PANK1: variants seen among roughly 807,000 people sequenced by gnomAD.
The protein encoded by PANK1 is pantothenic acid kinase 1.
Under a neutral mutation model 40.1 loss-of-function variants are expected in PANK1, and 18 were observed. The ratio of observed to expected loss-of-function variants is 0.45; its 90% CI spans 0.31 to 0.67. PANK1 has a LOEUF of 0.67. Among genes scored for constraint, PANK1 ranks in the 30% least tolerant of loss-of-function variants. PANK1 has a pLI of 0.06. For missense variants in PANK1, 457 were observed against 599.6 expected (o/e 0.76, Z 2.48); for synonymous variants, 242 against 237.7 (o/e 1.02, Z -0.17).
chr10:89,617,355 A>G (rs978385358), intron 1 of PANK1, among the ~76,000 whole-genome samples: 5 of 152,262 alleles, frequency 3.3e-5, no homozygotes, highest in Non-Finnish European at 7.3e-5. Context: ...CTTGGAAGGC[A>G]GATAATACAC....
intron 1 of PANK1, among the ~76,000 whole-genome samples, chr10:89,639,610 A>G (rs1447155408): frequency 6.6e-6 from 1 of 152,214 alleles, no homozygotes; most frequent in East Asian, 1.9e-4. Context: ...TAAGTAGGAA[A>G]TGCGGACCTG....
chr10:89,616,396 T>C (rs1845315180), intron 1 of PANK1, among the ~76,000 whole-genome samples: 1 of 152,228 alleles, frequency 6.6e-6, no homozygotes, highest in Non-Finnish European at 1.5e-5. Flanking sequence ...TTCATCCATA[T>C]GTAAATAAAA....
rs1192374008 is a variant in PANK1 at position 89,595,816 on chromosome 10, TA to T, written c.900-1828del. 6.7e-3 allele frequency among the ~76,000 whole-genome samples: 272 copies of T among 40,592 alleles called. 1 individual carries two copies. Among genetic ancestry groups the T allele is most frequent in the South Asian group, 0.011 (7 of 658 alleles). 26.6% of individuals were successfully genotyped at this position (40,592 alleles called of 152,430 possible). ...TGGGTGACAGAGCCGGACTCCATCT[TA>T]AAAAAAAAAAAAAAAAATATATATA... On this transcript the variant is annotated intron_variant, in intron 3 of 6. Coordinates refer to ENST00000307534, the MANE Select transcript of PANK1 (RefSeq NM_148977.3).
chr10:89,580,706 C>T (rs1844035844), downstream of PANK1: 1 of 152,262 alleles, frequency 6.6e-6, no homozygotes, highest in Non-Finnish European at 1.5e-5. Flanking sequence ...TCACAGATTT[C>T]TTATAGGACC....
At chr10:89,633,011 G>A (rs1269383654) in intron 1 of PANK1, among the ~76,000 whole-genome samples, 1 of 152,070 alleles carries the variant, frequency 6.6e-6, no homozygotes, top group Non-Finnish European at 1.5e-5. Context: ...ACTGATACCT[G>A]CTGGGACTTT....
At position 89,644,906 on chromosome 10, in the gene PANK1, G is replaced by C. The variant is rs1842069695; in HGVS notation, c.-15C>G. 1.3e-6 allele frequency: 2 copies of C among 1,531,668 alleles called. No homozygotes were observed. Among genetic ancestry groups the C allele is most frequent in the East Asian group, 5.5e-5 (2 of 36,502 alleles). The allele number at this position is 1,531,668 out of a possible 1,614,324, so 94.9% of individuals were successfully genotyped here. On this transcript the variant is annotated 5_prime_UTR_variant, in exon 1 of 7. Coordinates refer to ENST00000307534, the MANE Select transcript of PANK1 (RefSeq NM_148977.3). ...CGGTCGCCCATGCCGGGGGCTGGCGGGGCTGTGCGCGGGCCCCGGCTCAGG... is the reference window on the plus strand; with the variant it reads ...CGGTCGCCCATGCCGGGGGCTGGCGCGGCTGTGCGCGGGCCCCGGCTCAGG...
intron 1 of PANK1, among the ~76,000 whole-genome samples, chr10:89,622,964 T>C (rs1845540084): frequency 6.6e-6 from 1 of 152,238 alleles, no homozygotes; most frequent in African/African-American, 2.4e-5. Flanking sequence ...TGATTTAATT[T>C]AACCATTAAA....
At position 89,645,042 on chromosome 10, in the gene PANK1, C is replaced by T; in HGVS notation, c.-151G>A. 1 of 1,563,808 alleles carries T rather than the reference C, an allele frequency of 6.4e-7. No individual in the cohort carries two copies. Among genetic ancestry groups the T allele is most frequent in the Non-Finnish European group, 8.6e-7 (1 of 1,159,428 alleles). Reference sequence around the variant, plus strand: ...CCTGGGGATGGCGAACCCGGCGCTCCTCCCCTCCTCCTGCCGACTCCCCCA... The same window carrying T: ...CCTGGGGATGGCGAACCCGGCGCTCTTCCCCTCCTCCTGCCGACTCCCCCA... On this transcript the variant is annotated 5_prime_UTR_variant, in exon 1 of 7. Transcript: ENST00000307534.
Position 89,588,795 on chromosome 10 carries a change from G to T in PANK1, c.1201-18C>A, listed in dbSNP as rs910603590. ...TCTATGTTCTGGAAAAAATATTAAA[G>T]AAAACAATTGAATCATGGCATAAAA... On this transcript the variant is annotated intron_variant, in intron 5 of 6. Transcript: ENST00000307534. 9 of 1,550,862 alleles carry T rather than the reference G, an allele frequency of 5.8e-6. No individual in the cohort carries two copies. The Admixed American group carries it at 7.5e-5, about 13-fold the overall frequency.
At chr10:89,605,063 TAAA>T (rs760265414) in intron 2 of PANK1, among the ~76,000 whole-genome samples, 3 of 133,180 alleles carry the variant, frequency 2.3e-5, no homozygotes, top group African/African-American at 5.4e-5. Context: ...GCATTATGTC[TAAA>T]AAAAAAAAAA....
chr10:89,586,828 G>A (rs1285105430), intron 6 of PANK1, among the ~76,000 whole-genome samples: 1 of 152,140 alleles, frequency 6.6e-6, no homozygotes. Flanking sequence ...TTTATATTAT[G>A]GTAGAAACTC....
chr10:89,606,224 T>C (rs996119500), intron 2 of PANK1, among the ~76,000 whole-genome samples: 7 of 152,194 alleles, frequency 4.6e-5, no homozygotes, highest in Admixed American at 2.0e-4. Flanking sequence ...CCGGCTGCAT[T>C]AGCCCTTAAC....
chr10:89,590,010 C>A (rs1199083742), intron 5 of PANK1, among the ~76,000 whole-genome samples: 2 of 133,446 alleles, frequency 1.5e-5, no homozygotes, highest in African/African-American at 2.8e-5. Flanking sequence ...AAATAAATTC[C>A]AGGTGGGTCA....
In PANK1 at chr10:89,645,052, C is replaced by G; in HGVS notation, c.-161G>C. 1 of 1,561,986 alleles carries G rather than the reference C, an allele frequency of 6.4e-7. No individual in the cohort carries two copies. Among genetic ancestry groups the G allele is most frequent in the Non-Finnish European group, 8.6e-7 (1 of 1,158,784 alleles). On this transcript the variant is annotated 5_prime_UTR_variant, in exon 1 of 7. Coordinates refer to ENST00000307534, the MANE Select transcript of PANK1 (RefSeq NM_148977.3). ...GCGAACCCGGCGCTCCTCCCCTCCT[C>G]CTGCCGACTCCCCCACCTCCTCTGC...
At chr10:89,580,906 G>C (rs1353328518), downstream of PANK1, 1 of 152,102 alleles carries the variant, frequency 6.6e-6, no homozygotes, top group Admixed American at 6.5e-5. Flanking sequence ...CCTAGGAAAG[G>C]CTGTCTTAGA....
intron 2 of PANK1, among the ~76,000 whole-genome samples, chr10:89,610,679 C>T (rs536197056): frequency 6.6e-6 from 1 of 152,298 alleles, no homozygotes; most frequent in South Asian, 2.1e-4. Context: ...TATAGCAAGA[C>T]TGGATTATGT....
intron 3 of PANK1, among the ~76,000 whole-genome samples, chr10:89,595,720 T>TGAGGTGGGG (rs1554837833): frequency 6.9e-6 from 1 of 145,590 alleles, no homozygotes; most frequent in Admixed American, 6.9e-5. Context: ...CTCTGGATGC[T>TGAGGTGGGG]GAGGTGCGGG....
rs1488101271 is a variant in PANK1 at position 89,644,784 on chromosome 10, A to C, written c.108T>G (p.His36Gln). The change falls in exon 1 of 7, where the codon CAT becomes CAG. Residue 36 changes from histidine (H) to glutamine (Q), a missense_variant. His to Gln is a conservative substitution (Grantham distance 24). Coordinates refer to ENST00000307534, the MANE Select transcript of PANK1 (RefSeq NM_148977.3). ...AVNGLLHNGF[H>Q]PPPVQPPHVC... is the part of the protein sequence containing the mutation. ...CGTGCGGCGGCTGGACTGGCGGCGG[A>C]TGGAAGCCGTTGTGCAGCAGCCCGT... 4 of 1,494,988 alleles carry C rather than the reference A, an allele frequency of 2.7e-6. No individual in the cohort carries two copies. Among genetic ancestry groups the C allele is most frequent in the Non-Finnish European group, 3.5e-6 (4 of 1,129,700 alleles). 92.6% of individuals were successfully genotyped at this position (1,494,988 alleles called of 1,614,324 possible).
At chr10:89,586,427 C>T (rs189888769) in intron 6 of PANK1, among the ~76,000 whole-genome samples, 58 of 152,076 alleles carry the variant, frequency 3.8e-4, no homozygotes, top group African/African-American at 1.3e-3. Flanking sequence ...GTTCTGGGAC[C>T]TCATTCCCCC....
Sources: gnomAD v4.1 joint callset for allele counts (sites outside exome capture counted in the v4.1 genomes callset) on GRCh38, gnomAD v4.1.1 for gene constraint, MANE v1.5 for transcripts, NCBI Gene and HGNC (gene_info 2026-07-23, HGNC 2026-07-21) for gene names.